Variants in KALRN observed in about 807,000 individuals in gnomAD.
KALRN encodes kalirin RhoGEF kinase.
KALRN carries 70 observed loss-of-function variants against 353.7 expected under a neutral mutation model. That is an observed-to-expected ratio of 0.20 (90% CI 0.16 to 0.24). The LOEUF (loss-of-function observed/expected upper bound fraction) is 0.24. KALRN is among the 10% of genes least tolerant of loss of function. The probability of loss-of-function intolerance (pLI) is 1.00; values close to 1 mark genes in which losing one functional copy is unlikely to be tolerated. For missense variants in KALRN, 2,791 were observed against 3,756.7 expected, an observed-to-expected ratio of 0.74 and a Z score of 6.72; for synonymous variants, 1,391 against 1,434.8, an observed-to-expected ratio of 0.97 and a Z score of 0.69.
intron 11 of KALRN, among the ~76,000 whole-genome samples, chr3:124,394,769 C>T (rs1292713363): frequency 6.6e-6 from 1 of 152,162 alleles, no homozygotes; most frequent in African/African-American, 2.4e-5. Context: ...ACATTACTCC[C>T]TTTCCTCCTT....
At chr3:124,576,477 C>G (rs2651614) in intron 34 of KALRN, among the ~76,000 whole-genome samples, 94,318 of 151,914 alleles carry the variant, frequency 0.62, 30,634 homozygotes, top group East Asian at 0.84. Context: ...AGGAGGACTT[C>G]AGGATGGGAA....
chr3:124,219,707 G>C (rs894537945), intron 1 of KALRN, among the ~76,000 whole-genome samples: 2 of 152,142 alleles, frequency 1.3e-5, no homozygotes, highest in African/African-American at 4.8e-5. Flanking sequence ...CACCTAAGGA[G>C]GGGGATGCTC....
intron 10 of KALRN, among the ~76,000 whole-genome samples, chr3:124,370,525 C>T (rs976430065): frequency 8.5e-5 from 13 of 152,144 alleles, no homozygotes; most frequent in East Asian, 3.8e-4. Flanking sequence ...CCCAAGAAAC[C>T]GTTGCTATGG....
Position 124,245,537 on chromosome 3 carries a change from A to G in KALRN, c.263+10594A>G, listed in dbSNP as rs1317894713. ...GATTGCTGGATCATACGGTAATTTT[A>G]TATTTATTTTTTTGAGAAACCTCTG... On this transcript the variant is annotated intron_variant, in intron 3 of 59. Transcript: ENST00000682506. Among the ~76,000 whole-genome samples, 10 of 139,576 alleles carry G rather than the reference A, an allele frequency of 7.2e-5. 1 individual carries two copies. Among genetic ancestry groups the G allele is most frequent in the Admixed American group, 5.6e-4 (8 of 14,310 alleles). 91.6% of individuals were successfully genotyped at this position (139,576 alleles called of 152,430 possible).
intron 49 of KALRN, 71 bp from the exon 50 acceptor site, chr3:124,678,119 G>A (rs1559835702): frequency 6.4e-7 from 1 of 1,550,772 alleles, no homozygotes; most frequent in Non-Finnish European, 8.9e-7. Context: ...TCACCCAAGG[G>A]TGGTGAGCCC....
At chr3:124,592,093 G>A (rs1034139991) in intron 34 of KALRN, among the ~76,000 whole-genome samples, 1 of 152,086 alleles carries the variant, frequency 6.6e-6, no homozygotes, top group African/African-American at 2.4e-5. Flanking sequence ...CTGAGGTTGG[G>A]AGTTCAAGAC....
intron 3 of KALRN, among the ~76,000 whole-genome samples, chr3:124,253,758 G>C (rs971617057): frequency 1.3e-5 from 2 of 152,182 alleles, no homozygotes; most frequent in African/African-American, 2.4e-5. Flanking sequence ...AGGGATTCCT[G>C]GTCCTCACAC....
intron 1 of KALRN, among the ~76,000 whole-genome samples, chr3:124,062,668 T>C (rs557556998): frequency 6.6e-6 from 1 of 152,344 alleles, no homozygotes; most frequent in South Asian, 2.1e-4. Flanking sequence ...TCTCTTGTTT[T>C]TTAAAGTCAC....
intron 11 of KALRN, among the ~76,000 whole-genome samples, chr3:124,386,698 CTTCT>C (rs762148246): frequency 2.2e-4 from 34 of 152,254 alleles, no homozygotes; most frequent in Non-Finnish European, 3.1e-4. Context: ...TTCTTCTCTT[CTTCT>C]TTATTTGCTA....
intron 1 of KALRN, among the ~76,000 whole-genome samples, chr3:124,186,831 T>C (rs976007985): frequency 1.3e-5 from 2 of 152,158 alleles, no homozygotes; most frequent in Admixed American, 1.3e-4. Flanking sequence ...GCCTCATCAG[T>C]CCTCCAAGCC....
At chr3:124,535,588 T>C (rs1227830435) in intron 33 of KALRN, among the ~76,000 whole-genome samples, 3 of 152,192 alleles carry the variant, frequency 2.0e-5, no homozygotes, top group Non-Finnish European at 2.9e-5. Context: ...CAATGAGATA[T>C]GGTTTTTTGA....
At chr3:124,077,650 T>C (rs563113523) in intron 1 of KALRN, among the ~76,000 whole-genome samples, 27 of 152,350 alleles carry the variant, frequency 1.8e-4, no homozygotes, top group Admixed American at 1.6e-3. Context: ...AGAAGTTTAA[T>C]GATACAACAT....
At chr3:124,159,007 A>G (rs1210049940) in intron 1 of KALRN, among the ~76,000 whole-genome samples, 1 of 152,144 alleles carries the variant, frequency 6.6e-6, no homozygotes, top group Non-Finnish European at 1.5e-5. Flanking sequence ...GTATACATCT[A>G]CAAACAATTG....
intron 34 of KALRN, among the ~76,000 whole-genome samples, chr3:124,592,336 A>C (rs1359363377): frequency 6.6e-6 from 1 of 150,764 alleles, no homozygotes; most frequent in South Asian, 2.1e-4. Context: ...AAAAGAAAAA[A>C]TCCTGGCAAG....
chr3:124,649,965 A>AAATAAT (rs71145473), intron 37 of KALRN, among the ~76,000 whole-genome samples: 6,697 of 143,406 alleles, frequency 0.047, 181 homozygotes, highest in Middle Eastern at 0.083. Context: ...CTCTAAAATA[A>AAATAAT]AATAATAATA....
Position 124,398,768 on chromosome 3 carries a change from A to C in KALRN, c.2243A>C (p.Gln748Pro). ...AGCCACATCGAGTCGGTCCTGCAGC[A>C]GCTTGATGATGCCCAGGTGCAGATG... ...SISHIESVLQ[Q>P]LDDAQVQMEE... Residue 748 changes from glutamine (Q) to proline (P), a missense_variant, in exon 13 of 60, where the codon CAG becomes CCG. This residue lies in a region of KALRN where 452 missense variants were observed against 575.8 expected (regional missense o/e 0.78). Transcript: ENST00000682506. The C allele has an allele frequency of 2.5e-6, 4 of 1,614,184 alleles. No individual in the cohort carries two copies. Among genetic ancestry groups the C allele is most frequent in the Non-Finnish European group, 3.4e-6 (4 of 1,180,028 alleles).
chr3:124,470,292 T>G lies in KALRN; in HGVS notation c.4032-4371T>G, dbSNP rs146151840. Reference sequence around the variant, plus strand: ...TATAGAACAGCTAAGGTGAAATGTTTCATCATTTGTGAAGAGAGTTGTGAG... The same window carrying G: ...TATAGAACAGCTAAGGTGAAATGTTGCATCATTTGTGAAGAGAGTTGTGAG... On this transcript the variant is annotated intron_variant, in intron 25 of 59. Transcript: ENST00000682506. Among the ~76,000 whole-genome samples, 3 of 152,300 alleles carry G rather than the reference T, an allele frequency of 2.0e-5. No individual in the cohort carries two copies. In the East Asian group the frequency reaches 5.8e-4, roughly 29 times the overall value.
intron 1 of KALRN, among the ~76,000 whole-genome samples, chr3:124,190,262 G>A (rs2074749801): frequency 6.6e-6 from 1 of 152,204 alleles, no homozygotes; most frequent in East Asian, 1.9e-4. Context: ...CGTATGGCTG[G>A]CCCCCCACTG....
chr3:124,610,641 G>A (rs1408495446), intron 34 of KALRN, among the ~76,000 whole-genome samples: 1 of 151,912 alleles, frequency 6.6e-6, no homozygotes, highest in Non-Finnish European at 1.5e-5. Context: ...CCCTGGGGGG[G>A]GCGGCTATCC....
Sources: gnomAD v4.1 joint callset for allele counts (sites outside exome capture counted in the v4.1 genomes callset) on GRCh38, gnomAD v4.1.1 for gene constraint, gnomAD v4.1.1 regional missense constraint, MANE v1.5 for transcripts, NCBI Gene and HGNC (gene_info 2026-07-23, HGNC 2026-07-21) for gene names.